The following GPC5 variants were observed in gnomAD, a reference collection of about 807,000 sequenced individuals.
GPC5 encodes glypican-5.
In GPC5, 47 loss-of-function variants were observed where a neutral mutation model predicts 53.9. That is an observed-to-expected ratio of 0.87 (90% CI 0.69 to 1.11). The LOEUF (loss-of-function observed/expected upper bound fraction) is 1.11. Ranked by LOEUF, GPC5 falls within the 50% of genes most tolerant of loss-of-function variation. The pLI is 0.00. For synonymous variants in GPC5, 286 were observed against 263.3 expected (o/e 1.09, Z -0.84); for missense variants, 748 against 713.1 (o/e 1.05, Z -0.56).
intron 7 of GPC5, among the ~76,000 whole-genome samples, chr13:92,601,560 A>AAG (rs1365192526): frequency 6.6e-6 from 1 of 150,418 alleles, no homozygotes; most frequent in African/African-American, 2.4e-5. Flanking sequence ...ATCTCAAAAA[A>AAG]AAAAAAAAAA....
intron 7 of GPC5, among the ~76,000 whole-genome samples, chr13:92,663,591 A>C (rs188302664): frequency 6.0e-5 from 5 of 83,552 alleles, no homozygotes; most frequent in African/African-American, 1.7e-4. Context: ...ATATATATAT[A>C]TATCTACTAT....
At chr13:92,615,589 G>C (rs945917560) in intron 7 of GPC5, among the ~76,000 whole-genome samples, 8 of 152,102 alleles carry the variant, frequency 5.3e-5, no homozygotes, top group African/African-American at 1.9e-4. Context: ...TAAACATCTA[G>C]AGTAAAATTA....
intron 7 of GPC5, among the ~76,000 whole-genome samples, chr13:92,848,838 A>G (rs935212475): frequency 2.6e-5 from 4 of 152,216 alleles, no homozygotes; most frequent in East Asian, 1.9e-4. Flanking sequence ...CTGCATTATC[A>G]TATGTCACAT....
intron 7 of GPC5, among the ~76,000 whole-genome samples, chr13:92,553,274 C>T (rs748970052): frequency 6.6e-6 from 1 of 151,964 alleles, no homozygotes; most frequent in Non-Finnish European, 1.5e-5. Context: ...CATTATCAAA[C>T]CTGCTAGTTT....
intron 4 of GPC5, among the ~76,000 whole-genome samples, chr13:91,733,175 C>T (rs140350042): frequency 0.011 from 1,715 of 152,170 alleles, 37 homozygotes; most frequent in African/African-American, 0.04. Flanking sequence ...CTCATTCTGT[C>T]GCCCAGGCTG....
chr13:92,007,725 TCTC>T (rs1353839793), intron 6 of GPC5, among the ~76,000 whole-genome samples: 17 of 152,196 alleles, frequency 1.1e-4, no homozygotes, highest in Admixed American at 2.6e-4. Flanking sequence ...AAATTATAGT[TCTC>T]CTACTTGCTT....
At chr13:92,721,740 T>C (rs1205377241) in intron 7 of GPC5, 1 of 152,080 alleles carries the variant, frequency 6.6e-6, no homozygotes, top group Non-Finnish European at 1.5e-5. Context: ...TCCAGTGTGA[T>C]GGATTAAGCA....
At chr13:91,920,924 C>CTTTTTTTTTTTT (rs1447586700) in intron 6 of GPC5, among the ~76,000 whole-genome samples, 2 of 59,586 alleles carry the variant, frequency 3.4e-5, no homozygotes, top group African/African-American at 1.4e-4. Flanking sequence ...CTCTCTCTCT[C>CTTTTTTTTTTTT]TCTTTTTTTT....
intron 2 of GPC5, among the ~76,000 whole-genome samples, chr13:91,660,492 A>G (rs2034962248): frequency 6.6e-6 from 1 of 152,188 alleles, no homozygotes; most frequent in Admixed American, 6.5e-5. Context: ...AGATTCCCTG[A>G]ACATAACCTT....
chr13:92,341,913 G>A (rs1314071829), intron 7 of GPC5, among the ~76,000 whole-genome samples: 1 of 152,242 alleles, frequency 6.6e-6, no homozygotes, highest in Admixed American at 6.6e-5. Flanking sequence ...ATGCCATTAT[G>A]AAACGGGAAA....
intron 7 of GPC5, among the ~76,000 whole-genome samples, chr13:92,292,279 T>C (rs2043002205): frequency 6.6e-6 from 1 of 152,246 alleles, no homozygotes; most frequent in South Asian, 2.1e-4. Flanking sequence ...CCATAGCAAT[T>C]GTACTAGTGT....
At chr13:92,548,261 T>A (rs926769728) in intron 7 of GPC5, among the ~76,000 whole-genome samples, 1 of 151,944 alleles carries the variant, frequency 6.6e-6, no homozygotes, top group Non-Finnish European at 1.5e-5. Flanking sequence ...GGAAAAATCA[T>A]CATTTTTAAT....
At chr13:91,975,428 AAAAC>A (rs2040290052) in intron 6 of GPC5, among the ~76,000 whole-genome samples, 2 of 152,176 alleles carry the variant, frequency 1.3e-5, no homozygotes, top group East Asian at 1.9e-4. Flanking sequence ...TTACAAGAAA[AAAAC>A]AAACAACCCC....
intron 6 of GPC5, among the ~76,000 whole-genome samples, chr13:91,988,921 T>G (rs979490599): frequency 6.6e-5 from 10 of 152,000 alleles, no homozygotes; most frequent in African/African-American, 9.7e-5. Context: ...TCTGCAGTCA[T>G]CCTGGGAGGC....
chr13:92,624,978 C>T (rs908822836), intron 7 of GPC5, among the ~76,000 whole-genome samples: 2 of 152,194 alleles, frequency 1.3e-5, no homozygotes, highest in Non-Finnish European at 2.9e-5. Flanking sequence ...TTTAGATTCA[C>T]AATCCCCAGG....
intron 7 of GPC5, among the ~76,000 whole-genome samples, chr13:92,205,482 C>G (rs768929532): frequency 6.6e-6 from 1 of 152,096 alleles, no homozygotes; most frequent in East Asian, 1.9e-4. Flanking sequence ...AACAAAGACT[C>G]TCCGATCATT....
At chr13:92,159,778 A>G (rs34579032) in intron 7 of GPC5, among the ~76,000 whole-genome samples, 13,798 of 148,656 alleles carry the variant, frequency 0.093, 759 homozygotes, top group Middle Eastern at 0.14. Context: ...AATTTTTTGT[A>G]TTTTCAGTAG....
At chr13:91,914,281 A>G (rs1425260906) in intron 6 of GPC5, among the ~76,000 whole-genome samples, 2 of 152,200 alleles carry the variant, frequency 1.3e-5, no homozygotes, top group Non-Finnish European at 1.5e-5. Context: ...AAGTAATATC[A>G]CAGCAATTTT....
At chr13:92,586,292 T>C (rs1883536296) in intron 7 of GPC5, among the ~76,000 whole-genome samples, 1 of 152,194 alleles carries the variant, frequency 6.6e-6, no homozygotes, top group African/African-American at 2.4e-5. Context: ...AAGATATTCA[T>C]GCATAAGGCA....
Sources: gnomAD v4.1 joint callset for allele counts (sites outside exome capture counted in the v4.1 genomes callset) on GRCh38, gnomAD v4.1.1 for gene constraint, MANE v1.5 for transcripts, NCBI Gene and HGNC (gene_info 2026-07-23, HGNC 2026-07-21) for gene names.